Variants in CRMP1 observed in about 807,000 individuals in gnomAD.
The protein encoded by CRMP1 is collapsin response mediator protein 1.
A neutral mutation model predicts 68.3 loss-of-function variants in CRMP1; 19 were observed. The observed-to-expected ratio is 0.28, with a 90% CI of 0.19 to 0.41. The LOEUF is 0.41. Ranked by LOEUF, CRMP1 falls within the 10% of genes least tolerant of loss-of-function variation. The pLI is 1.00. For synonymous variants in CRMP1, 439 were observed against 399.6 expected (o/e 1.10, Z -1.18); for missense variants, 791 against 967.4 (o/e 0.82, Z 2.42).
In CRMP1 at chr4:5,849,488, C is replaced by T; in HGVS notation, c.883-16G>A. The T allele has an allele frequency of 1.3e-6, 2 of 1,564,984 alleles. No individual in the cohort carries two copies. Among genetic ancestry groups the T allele is most frequent in the African/African-American group, 1.4e-5 (1 of 72,910 alleles). ...CTTCATAGAGCTATGGAGAGATAAA[C>T]AGGGGTTGGTGTGAGATTTAAAAAA... is the stretch of plus-strand genomic sequence containing the variant. On this transcript the variant is annotated splice_polypyrimidine_tract_variant and intron_variant, in intron 5 of 13. Transcript: ENST00000324989.
chr4:5,836,266 TTTAA>T (rs1720716054), intron 10 of CRMP1, among the ~76,000 whole-genome samples, 181 bp from the exon 11 acceptor site: 1 of 152,196 alleles, frequency 6.6e-6, no homozygotes, highest in Admixed American at 6.5e-5. Context: ...AGAGAGGACA[TTTAA>T]TTAACCGCAC....
At chr4:5,849,285 G>A in intron 6 of CRMP1, 107 bp downstream of exon 6, 2 of 885,692 alleles carry the variant, frequency 2.3e-6, no homozygotes, top group Non-Finnish European at 1.8e-6. Flanking sequence ...TTCCTGGCTT[G>A]ACCTTTCATT....
rs188058780 is a variant in CRMP1, at chr4:5,859,135, G to A, written c.655+1891C>T. 1.3e-5 allele frequency among the ~76,000 whole-genome samples: 2 copies of A among 152,300 alleles called. No homozygotes were observed. The highest frequency in any genetic ancestry group is 2.4e-5 in the African/African-American group (1 of 41,566). ...AAGAGATGGCAGTCCCCTTGACAAC[G>A]AGCATCATTCCTGCTTTTGTTCACC... On this transcript the variant is annotated intron_variant, in intron 3 of 13. Coordinates refer to ENST00000324989, the MANE Select transcript of CRMP1 (RefSeq NM_001014809.3). This position sits in a 1 kb window ranked among gnomAD's most constrained non-coding sequence, Gnocchi z 5.2.
chr4:5,837,765 C>T (rs1720828703), intron 9 of CRMP1, among the ~76,000 whole-genome samples: 1 of 152,004 alleles, frequency 6.6e-6, no homozygotes, highest in Non-Finnish European at 1.5e-5. Context: ...GTCCTCCAAT[C>T]CAGAGGCCCA....
At chr4:5,868,846 C>A (rs1714233318) in intron 1 of CRMP1, among the ~76,000 whole-genome samples, 1 of 152,208 alleles carries the variant, frequency 6.6e-6, no homozygotes, top group Non-Finnish European at 1.5e-5. Flanking sequence ...ATTTACAGCC[C>A]TTGATAAAGA....
In CRMP1 at chr4:5,879,848, A is replaced by C. The variant is rs1715111080; in HGVS notation, c.381+12741T>G. ...TTTTATTCTGCATGTTCAGAAATAAAATATAGCAAAAAAAAAAATGAGACG... is the reference window on the plus strand; with the variant it reads ...TTTTATTCTGCATGTTCAGAAATAACATATAGCAAAAAAAAAAATGAGACG... On this transcript the variant is annotated intron_variant, in intron 1 of 13. Transcript: ENST00000324989. The surrounding 1 kb of genome is among the most constrained non-coding windows in gnomAD (Gnocchi z 4.2). Among the ~76,000 whole-genome samples the C allele has an allele frequency of 1.4e-5, 2 of 145,934 alleles. No individual in the cohort carries two copies. Among genetic ancestry groups the C allele is most frequent in the Admixed American group, 6.7e-5 (1 of 14,902 alleles).
chr4:5,887,786 G>T, intron 1 of CRMP1: 1 of 988,880 alleles, frequency 1.0e-6, no homozygotes, highest in Non-Finnish European at 1.2e-6. Flanking sequence ...CTCCTCCAGC[G>T]GGGGAGGTAC....
rs1487940238 is a variant in CRMP1 at position 5,888,208 on chromosome 4, CG to C, written c.381+4380del. ...GCCCACAAAGGCCAGCGCGGGGCGG[CG>C]GGGGCGGGGGCCGCTTACCGTGATG... On this transcript the variant is annotated intron_variant, in intron 1 of 13. Coordinates refer to ENST00000324989, the MANE Select transcript of CRMP1 (RefSeq NM_001014809.3). The surrounding 1 kb of genome is among the most constrained non-coding windows in gnomAD (Gnocchi z 6.4). The C allele has an allele frequency of 3.2e-6, 4 of 1,258,488 alleles. No individual in the cohort carries two copies. Among genetic ancestry groups the C allele is most frequent in the Non-Finnish European group, 2.0e-6 (2 of 997,676 alleles). 78.0% of individuals were successfully genotyped at this position (1,258,488 alleles called of 1,614,324 possible). A position where few individuals can be genotyped will look rare whatever the true frequency, so the allele number is the denominator to read the frequency against.
Position 5,856,131 on chromosome 4 carries a change from G to A in CRMP1, c.820+12C>T, listed in dbSNP as rs1335026546. On this transcript the variant is annotated intron_variant, in intron 4 of 13. Transcript: ENST00000324989. ...GGATTCCCCAAAACCCCGTTCCGAG[G>A]CTTTAACTGACCTTTGTCCTGCACC... 2.5e-6 allele frequency: 4 copies of A among 1,613,362 alleles called. No homozygotes were observed. The African/African-American group carries it at 5.3e-5, about 22-fold the overall frequency.
At chr4:5,844,155 A>G (rs921348180) in intron 6 of CRMP1, among the ~76,000 whole-genome samples, 18 of 152,220 alleles carry the variant, frequency 1.2e-4, no homozygotes, top group Non-Finnish European at 1.9e-4. Flanking sequence ...TTACAAGAAT[A>G]TAAATGGGAA....
chr4:5,844,132 A>T (rs1299071936), intron 6 of CRMP1, among the ~76,000 whole-genome samples: 1 of 152,152 alleles, frequency 6.6e-6, no homozygotes, highest in African/African-American at 2.4e-5. Context: ...TATGGTTATT[A>T]AGCTCGAGGT....
intron 6 of CRMP1, among the ~76,000 whole-genome samples, chr4:5,845,693 T>C (rs1712137941): frequency 6.6e-6 from 1 of 152,224 alleles, no homozygotes; most frequent in South Asian, 2.1e-4. Context: ...TATGCAATCA[T>C]GGATGACTAG....
intron 1 of CRMP1, chr4:5,887,938 T>A (rs974054559): frequency 7.1e-5 from 42 of 587,552 alleles, no homozygotes; most frequent in Admixed American, 9.8e-5. Flanking sequence ...GCATCCTCCC[T>A]GTCCACGCCA....
rs1458379938 is a variant in CRMP1, at chr4:5,841,989, T to G, written c.1033-561A>C. Among the ~76,000 whole-genome samples the G allele has an allele frequency of 2.6e-5, 4 of 152,208 alleles. No individual in the cohort carries two copies. Among genetic ancestry groups the G allele is most frequent in the Admixed American group, 2.6e-4 (4 of 15,278 alleles). On this transcript the variant is annotated intron_variant, in intron 7 of 13. Coordinates refer to ENST00000324989, the MANE Select transcript of CRMP1 (RefSeq NM_001014809.3). This position sits in a 1 kb window ranked among gnomAD's most constrained non-coding sequence, Gnocchi z 6.9. ...TGAGGTCGGAAGTTTCAGACCAGACTGGCCACCATGGTGAAACCCAGTCTC... is the reference window on the plus strand; with the variant it reads ...TGAGGTCGGAAGTTTCAGACCAGACGGGCCACCATGGTGAAACCCAGTCTC...
rs1037209180 is a variant in CRMP1, at chr4:5,866,876, C to T, written c.382-120G>A. The T allele has an allele frequency of 4.7e-6, 3 of 633,186 alleles. No homozygotes were observed. The highest frequency in any genetic ancestry group is 8.0e-6 in the Non-Finnish European group (3 of 375,658). The allele number at this position is 633,186 out of a possible 1,614,324, so 39.2% of individuals were successfully genotyped here. ...TCAAAAGTAAAGGCATTTAACTTCC[C>T]CCGCCCCAGATCCATCACCAGCTTC... On this transcript the variant is annotated intron_variant, in intron 1 of 13. Coordinates refer to ENST00000324989, the MANE Select transcript of CRMP1 (RefSeq NM_001014809.3). This position sits in a 1 kb window ranked among gnomAD's most constrained non-coding sequence, Gnocchi z 5.9.
At chr4:5,867,970 A>T (rs1044895407) in intron 1 of CRMP1, among the ~76,000 whole-genome samples, 1 of 152,028 alleles carries the variant, frequency 6.6e-6, no homozygotes, top group African/African-American at 2.4e-5. Flanking sequence ...ATGTATTCAG[A>T]TGATGTTCTC....
chr4:5,839,700 C>A, intron 8 of CRMP1, 22 bp from the exon 9 acceptor site: 3 of 1,602,326 alleles, frequency 1.9e-6, no homozygotes, highest in Non-Finnish European at 2.6e-6. Flanking sequence ...AAAACATAAG[C>A]CTGGTTAAAA....
chr4:5,839,684 G>A lies in CRMP1; in HGVS notation c.1154-6C>T. 6.4e-7 allele frequency: 1 copy of A among 1,572,596 alleles called. No individual in the cohort carries two copies. The highest frequency in any genetic ancestry group is 8.6e-7 in the Non-Finnish European group (1 of 1,168,192). ...CTCTCCAAAAACTAGGGGCCCTTAG[G>A]AGGGGAAAACATAAGCCTGGTTAAA... On this transcript the variant is annotated splice_polypyrimidine_tract_variant and splice_region_variant and intron_variant, in intron 8 of 13. Transcript: ENST00000324989.
intron 6 of CRMP1, among the ~76,000 whole-genome samples, chr4:5,846,757 ATTTTTT>A (rs71171490): frequency 1.9e-5 from 1 of 53,708 alleles, no homozygotes; most frequent in African/African-American, 1.1e-4. Flanking sequence ...TGCCCGGCTA[ATTTTTT>A]TTTTTTTTTT....
Sources: gnomAD v4.1 joint callset for allele counts (sites outside exome capture counted in the v4.1 genomes callset) on GRCh38, gnomAD v4.1.1 for gene constraint, Gnocchi (gnomAD v3.1) non-coding constraint, MANE v1.5 for transcripts, NCBI Gene and HGNC (gene_info 2026-07-23, HGNC 2026-07-21) for gene names.